Variants in SCNN1B observed in about 807,000 individuals in gnomAD.
The protein encoded by SCNN1B is sodium channel epithelial 1 subunit beta.
In SCNN1B, 46 loss-of-function variants were observed where a neutral mutation model predicts 65.3. The observed-to-expected ratio is 0.70, with a 90% confidence interval of 0.56 to 0.90. The LOEUF is 0.90. Ranked by LOEUF, SCNN1B falls within the 40% of genes least tolerant of loss-of-function variation. The pLI, the probability that SCNN1B is intolerant of heterozygous loss-of-function variation, is 0.00. For synonymous variants in SCNN1B, 349 were observed against 330.6 expected (o/e 1.06, Z -0.60); for missense variants, 751 against 830.5 (o/e 0.90, Z 1.18).
Position 23,341,691 on chromosome 16 carries a change from T to G in SCNN1B, c.-8-6901T>G, listed in dbSNP as rs532055715. On this transcript the variant is annotated intron_variant, in intron 1 of 12. Coordinates refer to ENST00000343070, the MANE Select transcript of SCNN1B (RefSeq NM_000336.3). The stretch of plus-strand genomic sequence containing the variant: ...CAAAGAAGATATACTGGCCATATAA[T>G]GGATCTAATGGCCAATATATAAGCC... 2.6e-5 allele frequency among the ~76,000 whole-genome samples: 4 copies of G among 152,324 alleles called. No individual in the cohort carries two copies. In the East Asian group the frequency reaches 7.7e-4, roughly 29 times the overall value.
intron 1 of SCNN1B, among the ~76,000 whole-genome samples, chr16:23,316,802 A>G (rs1240909786): frequency 2.0e-5 from 3 of 151,594 alleles, no homozygotes; most frequent in Non-Finnish European, 4.4e-5. Flanking sequence ...TATCACCACC[A>G]TCACCCTCAC....
chr16:23,372,895 T>C (rs1962815213), intron 7 of SCNN1B, among the ~76,000 whole-genome samples: 1 of 146,108 alleles, frequency 6.8e-6, no homozygotes, highest in Admixed American at 6.9e-5. Flanking sequence ...AGGTCAGAAG[T>C]TCAAGACCAG....
chr16:23,365,598 A>AG (rs1491222443), intron 4 of SCNN1B, among the ~76,000 whole-genome samples: 1,230 of 62,174 alleles, frequency 0.02, 9 homozygotes, highest in Middle Eastern at 0.032. Context: ...AGAAAGAAAG[A>AG]AAGAAAGAAA....
upstream of SCNN1B, among the ~76,000 whole-genome samples, chr16:23,301,815 C>G (rs868220244): frequency 6.6e-6 from 1 of 152,098 alleles, no homozygotes; most frequent in Middle Eastern, 3.4e-3. Context: ...GTGGAAGAGG[C>G]GGAGGGAAGA....
At chr16:23,378,068 G>A (rs576555247) in intron 10 of SCNN1B, among the ~76,000 whole-genome samples, 2 of 152,268 alleles carry the variant, frequency 1.3e-5, no homozygotes, top group African/African-American at 4.8e-5. Context: ...GAGTGCAGTG[G>A]TACGATCACA....
intron 4 of SCNN1B, among the ~76,000 whole-genome samples, chr16:23,360,157 C>T (rs544197906): frequency 6.6e-6 from 1 of 151,786 alleles, no homozygotes; most frequent in African/African-American, 2.4e-5. Context: ...GAGATCATGC[C>T]ACTGCACTCC....
chr16:23,298,240 T>A (rs1442396094), upstream of SCNN1B, among the ~76,000 whole-genome samples: 1 of 152,200 alleles, frequency 6.6e-6, no homozygotes, highest in Non-Finnish European at 1.5e-5. Context: ...AAGAGTTTTT[T>A]AAAATTTGGC....
At position 23,380,304 on chromosome 16, in the gene SCNN1B, C is replaced by T. The variant is rs1383709832; in HGVS notation, c.1543-117C>T. On this transcript the variant is annotated intron_variant, in intron 12 of 12. Coordinates refer to ENST00000343070, the MANE Select transcript of SCNN1B (RefSeq NM_000336.3). The surrounding 1 kb of genome is among the most constrained non-coding windows in gnomAD (Gnocchi z 5.4). ...GACAGTCCCAAGTTATTCCCCTGGGCCAAGATGGTCACCCCCTCCCGTTCC... is the reference window on the plus strand; with the variant it reads ...GACAGTCCCAAGTTATTCCCCTGGGTCAAGATGGTCACCCCCTCCCGTTCC... 16 of 1,545,328 alleles carry T rather than the reference C, an allele frequency of 1.0e-5. No homozygotes were observed. The highest frequency in any genetic ancestry group is 1.7e-5 in the Admixed American group (1 of 59,122).
chr16:23,377,533 C>G, intron 10 of SCNN1B, 147 bp downstream of exon 10: 1 of 711,214 alleles, frequency 1.4e-6, no homozygotes, highest in South Asian at 1.6e-5. Context: ...TTCCTTCCTT[C>G]TTTCTCTGCT....
intron 7 of SCNN1B, among the ~76,000 whole-genome samples, chr16:23,373,088 C>T (rs1361531913): frequency 6.6e-6 from 1 of 152,090 alleles, no homozygotes; most frequent in Non-Finnish European, 1.5e-5. Flanking sequence ...GCCTGAGTGA[C>T]AGAGTGAGAC....
At chr16:23,347,451 G>A (rs910835502) in intron 1 of SCNN1B, among the ~76,000 whole-genome samples, 11 of 152,186 alleles carry the variant, frequency 7.2e-5, no homozygotes, top group Admixed American at 7.2e-4. Context: ...TAGGCTAAAC[G>A]ATGTCTAATG....
chr16:23,374,991 C>A (rs1392330577), intron 7 of SCNN1B, among the ~76,000 whole-genome samples: 1 of 152,128 alleles, frequency 6.6e-6, no homozygotes, highest in Non-Finnish European at 1.5e-5. Flanking sequence ...GTCCTCAGCA[C>A]CCTGTTTCAC....
In SCNN1B at chr16:23,377,112, G is replaced by T. The variant is rs1962914863; in HGVS notation, c.1271-53G>T. ...GCCAGAGGCTCAGCAGGGAACAGGG[G>T]CACCTAAAAAGCCCCCTTAAACCTC... On this transcript the variant is annotated intron_variant, in intron 8 of 12. Coordinates refer to ENST00000343070, the MANE Select transcript of SCNN1B (RefSeq NM_000336.3). The T allele has an allele frequency of 4.6e-6, 7 of 1,508,454 alleles. No individual in the cohort carries two copies. The South Asian group carries it at 7.0e-5, about 15-fold the overall frequency. 93.4% of individuals were successfully genotyped at this position (1,508,454 alleles called of 1,614,324 possible). A position where few individuals can be genotyped will look rare whatever the true frequency, so the allele number is the denominator to read the frequency against.
chr16:23,298,234 GT>G (rs1329290724), upstream of SCNN1B, among the ~76,000 whole-genome samples: 1 of 152,170 alleles, frequency 6.6e-6, no homozygotes, highest in Admixed American at 6.6e-5. Flanking sequence ...CATAAAAAGA[GT>G]TTTTTAAAAT....
chr16:23,368,058 G>C (rs1219879901), intron 5 of SCNN1B, 99 bp downstream of exon 5: 3 of 956,452 alleles, frequency 3.1e-6, no homozygotes, highest in Non-Finnish European at 5.1e-6. Context: ...TGGGACTGAG[G>C]GGGGACCAAG....
At chr16:23,305,574 A>AT (rs1961195213) in intron 1 of SCNN1B, among the ~76,000 whole-genome samples, 1 of 28,730 alleles carries the variant, frequency 3.5e-5, no homozygotes, top group African/African-American at 3.7e-4. Context: ...ATATATATAT[A>AT]TATTATATAT....
chr16:23,287,313 A>AT lies in SCNN1B; in HGVS notation n.178+3516dup, dbSNP rs201924797. Among the ~76,000 whole-genome samples, 1,277 of 152,036 alleles carry AT rather than the reference A, an allele frequency of 8.4e-3. 25 individuals are homozygous for AT. Among genetic ancestry groups the AT allele is most frequent in the African/African-American group, 0.029 (1,192 of 41,484 alleles). On this transcript the variant is annotated intron_variant and non_coding_transcript_variant, in intron 2 of 3. Transcript: ENST00000569789. Reference sequence around the variant, plus strand: ...AGCCACCGTGCCCTGCCAAAAATTAATTTTTTTAAAAAAGAGAGAGATATG... The same window carrying AT: ...AGCCACCGTGCCCTGCCAAAAATTAATTTTTTTTAAAAAAGAGAGAGATATG...
chr16:23,373,725 C>T (rs1962831406), intron 7 of SCNN1B, among the ~76,000 whole-genome samples: 1 of 152,206 alleles, frequency 6.6e-6, no homozygotes, highest in African/African-American at 2.4e-5. Context: ...AATGACCCTC[C>T]TGGTGCCCAC....
intron 1 of SCNN1B, among the ~76,000 whole-genome samples, chr16:23,320,527 C>G (rs1209745324): frequency 2.0e-5 from 3 of 152,222 alleles, no homozygotes; most frequent in African/African-American, 7.2e-5. Context: ...AGTCAACTGT[C>G]TCTGACCAGA....
Sources: allele counts gnomAD v4.1 joint callset (sites outside exome capture counted in the v4.1 genomes callset), GRCh38; gene constraint gnomAD v4.1.1; non-coding constraint Gnocchi (gnomAD v3.1); transcripts MANE v1.5; gene names NCBI Gene and HGNC (gene_info 2026-07-23, HGNC 2026-07-21).